STXBP5L: variants seen among roughly 807,000 people sequenced by gnomAD.
STXBP5L encodes the protein syntaxin binding protein 5L, also known as syntaxin-binding protein 5-like.
STXBP5L carries 65 observed loss-of-function variants against 144.5 expected under a neutral mutation model. The observed-to-expected ratio is 0.45, with a 90% CI of 0.37 to 0.55. The LOEUF is 0.55. Ranked by LOEUF, STXBP5L falls within the 20% of genes least tolerant of loss-of-function variation. The pLI is 0.00. For synonymous variants in STXBP5L, 505 were observed against 469.6 expected, an observed-to-expected ratio of 1.08 and a Z score of -0.97; for missense variants, 1,298 against 1,405.5, an observed-to-expected ratio of 0.92 and a Z score of 1.22.
chr3:120,921,734 C>T (rs1314160097), intron 2 of STXBP5L, among the ~76,000 whole-genome samples: 1 of 151,846 alleles, frequency 6.6e-6, no homozygotes, highest in Non-Finnish European at 1.5e-5. Context: ...ACTCTCCCCA[C>T]TGAATGTTCT....
intron 5 of STXBP5L, among the ~76,000 whole-genome samples, chr3:121,056,044 A>G (rs1948438956): frequency 6.6e-6 from 1 of 152,014 alleles, no homozygotes; most frequent in Admixed American, 6.6e-5. Flanking sequence ...GGCTCAAGCT[A>G]TCCTCCTGCC....
At chr3:121,321,440 A>G (rs771677360) in intron 20 of STXBP5L, among the ~76,000 whole-genome samples, 2 of 152,234 alleles carry the variant, frequency 1.3e-5, no homozygotes, top group Non-Finnish European at 2.9e-5. Context: ...CATTTAAAGG[A>G]CAGTGTGCCC....
At chr3:121,353,521 T>C (rs549906309) in intron 20 of STXBP5L, among the ~76,000 whole-genome samples, 1 of 152,302 alleles carries the variant, frequency 6.6e-6, no homozygotes, top group South Asian at 2.1e-4. Flanking sequence ...ATGGGATCGG[T>C]GGTGATATCC....
intron 9 of STXBP5L, among the ~76,000 whole-genome samples, chr3:121,187,418 G>A (rs1466760088): frequency 7.4e-6 from 1 of 134,796 alleles, no homozygotes; most frequent in Admixed American, 7.4e-5. Flanking sequence ...GGGGGAGCGG[G>A]GAGGGGGGAG....
intron 5 of STXBP5L, among the ~76,000 whole-genome samples, chr3:121,046,069 C>T (rs1433595880): frequency 2.0e-5 from 3 of 152,044 alleles, no homozygotes; most frequent in Non-Finnish European, 4.4e-5. Context: ...GGGGTTTTAA[C>T]ATGAAGGACA....
Position 121,114,911 on chromosome 3 carries a change from T to C in STXBP5L, c.471-14T>C. ...AAAATTTAGATATTTTAATTATAAT[T>C]TTCTTTCTTTCAGAATTACTTACTG... On this transcript the variant is annotated splice_polypyrimidine_tract_variant and intron_variant, in intron 5 of 26. Transcript: ENST00000471454. 6.8e-7 allele frequency: 1 copy of C among 1,462,530 alleles called. No individual in the cohort carries two copies. The highest frequency in any genetic ancestry group is 9.1e-7 in the Non-Finnish European group (1 of 1,101,784). 90.6% of individuals were successfully genotyped at this position (1,462,530 alleles called of 1,614,324 possible).
At chr3:121,290,121 C>A (rs1365741093) in intron 19 of STXBP5L, among the ~76,000 whole-genome samples, 1 of 151,962 alleles carries the variant, frequency 6.6e-6, no homozygotes, top group South Asian at 2.1e-4. Flanking sequence ...AAATGTGGTT[C>A]TTTGAAAAGA....
At chr3:120,938,357 C>A (rs1710377404) in intron 2 of STXBP5L, among the ~76,000 whole-genome samples, 1 of 152,074 alleles carries the variant, frequency 6.6e-6, no homozygotes, top group African/African-American at 2.4e-5. Context: ...ATTTTACTTT[C>A]CTAAAGATAC....
At chr3:120,993,893 G>A (rs144907116) in intron 3 of STXBP5L, among the ~76,000 whole-genome samples, 4 of 151,908 alleles carry the variant, frequency 2.6e-5, no homozygotes, top group East Asian at 1.9e-4. Context: ...TGGGTAGTAT[G>A]GTCATTTAGA....
At chr3:121,393,358 T>C (rs1461929949) in intron 22 of STXBP5L, among the ~76,000 whole-genome samples, 3 of 152,182 alleles carry the variant, frequency 2.0e-5, no homozygotes, top group Admixed American at 6.5e-5. Flanking sequence ...TGTTGGCAAA[T>C]ATTTTTCCCA....
chr3:121,267,929 A>G (rs1405276468), intron 18 of STXBP5L, among the ~76,000 whole-genome samples: 1 of 152,214 alleles, frequency 6.6e-6, no homozygotes, highest in Non-Finnish European at 1.5e-5. Context: ...GAGGATTTGG[A>G]GAAATAGGAA....
intron 3 of STXBP5L, among the ~76,000 whole-genome samples, chr3:121,028,263 T>A (rs1946097108): frequency 6.6e-6 from 1 of 152,082 alleles, no homozygotes; most frequent in South Asian, 2.1e-4. Context: ...TATTATGCTA[T>A]TAATAAATAG....
At chr3:121,176,985 C>T (rs1165023969) in intron 9 of STXBP5L, among the ~76,000 whole-genome samples, 1 of 151,902 alleles carries the variant, frequency 6.6e-6, no homozygotes, top group East Asian at 1.9e-4. Context: ...TTTGAAAGAC[C>T]TACTTTGTGT....
intron 5 of STXBP5L, among the ~76,000 whole-genome samples, chr3:121,077,168 C>A (rs1174454141): frequency 6.6e-6 from 1 of 152,172 alleles, no homozygotes; most frequent in Non-Finnish European, 1.5e-5. Context: ...CATCTGGTGT[C>A]AGTTAGGGTG....
Position 121,326,933 on chromosome 3 carries a change from G to A in STXBP5L, c.2176+8393G>A, listed in dbSNP as rs143450296. Among the ~76,000 whole-genome samples the A allele has an allele frequency of 6.9e-3, 1,054 of 152,190 alleles. 5 individuals carry two copies. The highest frequency in any genetic ancestry group is 0.016 in the South Asian group (76 of 4,830). On this transcript the variant is annotated intron_variant, in intron 20 of 26. Coordinates refer to ENST00000471454, the MANE Select transcript of STXBP5L (RefSeq NM_001308330.2). The stretch of plus-strand genomic sequence containing the variant: ...AAATTCTGTCATTTCAAAGTAAGAA[G>A]CAATTAATCAGAAGCTTTGAATTAG...
chr3:120,933,989 T>C (rs1710111709), intron 2 of STXBP5L, among the ~76,000 whole-genome samples: 1 of 151,950 alleles, frequency 6.6e-6, no homozygotes, highest in South Asian at 2.1e-4. Flanking sequence ...CATTTTCTTC[T>C]TGTAACTTCA....
intron 3 of STXBP5L, among the ~76,000 whole-genome samples, chr3:120,994,323 T>C (rs1372489996): frequency 2.6e-5 from 4 of 152,120 alleles, no homozygotes; most frequent in Admixed American, 2.6e-4. Context: ...TTCAGTACTA[T>C]GTTTTATGGA....
intron 4 of STXBP5L, among the ~76,000 whole-genome samples, chr3:121,043,028 C>T (rs1947267101): frequency 6.6e-6 from 1 of 151,730 alleles, no homozygotes. Context: ...GTGATTTGTA[C>T]TGGGTCTGAT....
At chr3:121,015,748 G>C (rs569068569) in intron 3 of STXBP5L, among the ~76,000 whole-genome samples, 4 of 152,068 alleles carry the variant, frequency 2.6e-5, no homozygotes, top group African/African-American at 4.8e-5. Context: ...TGGAAAAAAG[G>C]CTTTACTAGA....
Sources: gnomAD v4.1 joint callset for allele counts (sites outside exome capture counted in the v4.1 genomes callset) on GRCh38, gnomAD v4.1.1 for gene constraint, MANE v1.5 for transcripts, NCBI Gene and HGNC (gene_info 2026-07-23, HGNC 2026-07-21) for gene names.